The following SLC9B2 variants were observed in gnomAD, a reference collection of about 807,000 sequenced individuals.
SLC9B2 encodes solute carrier family 9 member B2.
A neutral mutation model predicts 52.2 loss-of-function variants in SLC9B2; 39 were observed. The ratio of observed to expected loss-of-function variants is 0.75; its 90% confidence interval spans 0.58 to 0.98. The LOEUF is 0.98. Ranked by LOEUF, SLC9B2 falls within the 50% of genes least tolerant of loss-of-function variation. The pLI, the probability that SLC9B2 is intolerant of heterozygous loss-of-function variation, is 0.00. For missense variants in SLC9B2, 626 were observed against 637.5 expected (o/e 0.98, Z 0.19); for synonymous variants, 214 against 227.0 (o/e 0.94, Z 0.51).
chr4:103,056,414 A>AT lies in SLC9B2; in HGVS notation c.442+1386dup, dbSNP rs534755839. ...AGGCACCCGCCACCACGCCCAGCTA[A>AT]TTTTTTTATTTTTAGTAGAGATGGA... On this transcript the variant is annotated intron_variant, in intron 4 of 11. Transcript: ENST00000394785. Among the ~76,000 whole-genome samples the AT allele has an allele frequency of 3.5e-3, 530 of 152,016 alleles. 2 individuals carry two copies. The highest frequency in any genetic ancestry group is 5.3e-3 in the Non-Finnish European group (363 of 67,988).
intron 10 of SLC9B2, among the ~76,000 whole-genome samples, chr4:103,030,493 GGTT>G (rs1286238234): frequency 1.3e-5 from 2 of 151,990 alleles, no homozygotes. Context: ...GAGGTTGGCA[GGTT>G]GTGTGATAGG....
At chr4:103,042,094 C>T (rs1306054423) in intron 9 of SLC9B2, 1 of 152,018 alleles carries the variant, frequency 6.6e-6, no homozygotes, top group Non-Finnish European at 1.5e-5. Context: ...ATTTCTGTTA[C>T]ACTGTTGATA....
chr4:103,028,617 G>A, intron 11 of SLC9B2, 130 bp downstream of exon 11: 2 of 1,154,436 alleles, frequency 1.7e-6, no homozygotes, highest in Non-Finnish European at 2.4e-6. Context: ...AATAGATTAG[G>A]ATAAACTCTT....
At chr4:103,029,770 T>C (rs1742537377) in intron 10 of SLC9B2, among the ~76,000 whole-genome samples, 1 of 152,164 alleles carries the variant, frequency 6.6e-6, no homozygotes, top group Admixed American at 6.6e-5. Context: ...GTGTTTACTC[T>C]GTGCCAAATG....
At chr4:103,043,195 A>G (rs1312629433) in intron 9 of SLC9B2, 101 bp downstream of exon 9, 1 of 1,268,192 alleles carries the variant, frequency 7.9e-7, no homozygotes, top group African/African-American at 1.5e-5. Context: ...AGCTTTTATA[A>G]TGAAATACTT....
intron 9 of SLC9B2, among the ~76,000 whole-genome samples, chr4:103,040,049 A>T (rs1323490438): frequency 6.6e-6 from 1 of 152,126 alleles, no homozygotes; most frequent in Non-Finnish European, 1.5e-5. Flanking sequence ...CCTGATTTTA[A>T]AAGTTGCTCT....
Position 103,066,444 on chromosome 4 carries a change from A to G in SLC9B2, c.154T>C (p.Leu52=). ...ANEPTEGSIL[L]KSSEKKLQET... ...TGTAGCTTTTTTTCACTGCTTTTCA[A>G]AAGAATACTTCCTTCTGTTGGTTCA... Residue 52 remains leucine, a synonymous_variant, in exon 3 of 12, where the codon TTG becomes CTG. Coordinates refer to ENST00000394785, the MANE Select transcript of SLC9B2 (RefSeq NM_178833.7). 4 of 1,614,050 alleles carry G rather than the reference A, an allele frequency of 2.5e-6. No homozygotes were observed. The highest frequency in any genetic ancestry group is 1.1e-5 in the South Asian group (1 of 91,068).
chr4:103,052,071 T>C (rs1351492020), intron 4 of SLC9B2, among the ~76,000 whole-genome samples: 5 of 152,226 alleles, frequency 3.3e-5, no homozygotes. Context: ...GAGATCCTAG[T>C]AACAAAGAGG....
Position 103,066,321 on chromosome 4 carries a change from C to T in SLC9B2, c.271+6G>A. ...TTTTGCCATCTCTTTCTGAATTCATCCTTACCATTTGTTATGACCCTGTCC... is the reference window on the plus strand; with the variant it reads ...TTTTGCCATCTCTTTCTGAATTCATTCTTACCATTTGTTATGACCCTGTCC... On this transcript the variant is annotated splice_donor_region_variant and intron_variant, in intron 3 of 11. Coordinates refer to ENST00000394785, the MANE Select transcript of SLC9B2 (RefSeq NM_178833.7). 6.2e-7 allele frequency: 1 copy of T among 1,607,136 alleles called. No individual in the cohort carries two copies.
intron 3 of SLC9B2, among the ~76,000 whole-genome samples, chr4:103,061,458 A>G (rs1428325123): frequency 2.0e-5 from 3 of 152,086 alleles, no homozygotes; most frequent in Non-Finnish European, 4.4e-5. Context: ...GAATTGAACA[A>G]TGAGAACACA....
At chr4:103,073,155 T>C (rs1746816675) in intron 1 of SLC9B2, among the ~76,000 whole-genome samples, 1 of 152,222 alleles carries the variant, frequency 6.6e-6, no homozygotes, top group Admixed American at 6.5e-5. Flanking sequence ...ATAAATTTGA[T>C]TATTTATAAA....
chr4:103,060,528 G>T (rs1248787917), intron 3 of SLC9B2, among the ~76,000 whole-genome samples: 3 of 114,948 alleles, frequency 2.6e-5, no homozygotes, highest in Non-Finnish European at 5.6e-5. Flanking sequence ...CCTTTTGCAT[G>T]TTTTTTTTGT....
At chr4:103,047,743 C>T (rs1015331940) in intron 6 of SLC9B2, among the ~76,000 whole-genome samples, 1 of 151,996 alleles carries the variant, frequency 6.6e-6, no homozygotes, top group Admixed American at 6.6e-5. Context: ...TTTATGGCTG[C>T]GTAGTATTCC....
intron 1 of SLC9B2, among the ~76,000 whole-genome samples, chr4:103,073,334 T>C (rs1746835154): frequency 6.6e-6 from 1 of 152,192 alleles, no homozygotes; most frequent in African/African-American, 2.4e-5. Context: ...CATTCATGTG[T>C]TGAACGTATA....
chr4:103,020,628 T>C (rs1741719043), downstream of SLC9B2, among the ~76,000 whole-genome samples: 1 of 152,066 alleles, frequency 6.6e-6, no homozygotes, highest in Non-Finnish European at 1.5e-5. Context: ...AATACGAAAT[T>C]ATCTTTTTAT....
At chr4:103,075,674 G>C (rs1445311595) in intron 1 of SLC9B2, among the ~76,000 whole-genome samples, 5 of 152,106 alleles carry the variant, frequency 3.3e-5, no homozygotes, top group African/African-American at 9.7e-5. Flanking sequence ...CAATCCTCTA[G>C]TAGCTTTTCT....
chr4:103,041,974 C>T (rs949344509), intron 9 of SLC9B2: 6 of 152,088 alleles, frequency 3.9e-5, no homozygotes, highest in African/African-American at 1.4e-4. Flanking sequence ...AGCCATACAG[C>T]GTAGCAACAA....
chr4:103,057,939 A>G lies in SLC9B2; in HGVS notation c.304T>C (p.Trp102Arg). 6.2e-7 allele frequency: 1 copy of G among 1,613,670 alleles called. No homozygotes were observed. Residue 102 changes from tryptophan to arginine, a missense_variant, in exon 4 of 12, where the codon TGG (tryptophan) becomes CGG (arginine). Coordinates refer to ENST00000394785, the MANE Select transcript of SLC9B2 (RefSeq NM_178833.7). ...TIIVLLWAVV[W>R]SITGSECLPG... ...AGACATTCACTGCCAGTAATTGACCAAACTACAGCCCACAGAAGAACAATG... is the reference window on the plus strand; with the variant it reads ...AGACATTCACTGCCAGTAATTGACCGAACTACAGCCCACAGAAGAACAATG...
Position 103,023,065 on chromosome 4 carries a change from T to A in SLC9B2, c.*3305A>T, listed in dbSNP as rs977000046. On this transcript the variant is annotated 3_prime_UTR_variant, in exon 12 of 12. Coordinates refer to ENST00000394785, the MANE Select transcript of SLC9B2 (RefSeq NM_178833.7). ...TCTGTTGTGTAAGCCACCCAGTGTA[T>A]GGTATTTTGTTATAGCAGCCCAAGC... Among the ~76,000 whole-genome samples the A allele has an allele frequency of 6.6e-6, 1 of 152,168 alleles. No individual in the cohort carries two copies. The highest frequency in any genetic ancestry group is 2.4e-5 in the African/African-American group (1 of 41,448).
Sources: gnomAD v4.1 joint callset for allele counts (sites outside exome capture counted in the v4.1 genomes callset) on GRCh38, gnomAD v4.1.1 for gene constraint, MANE v1.5 for transcripts, NCBI Gene and HGNC (gene_info 2026-07-23, HGNC 2026-07-21) for gene names.